DENND2C: variants seen among roughly 807,000 people sequenced by gnomAD.
DENND2C encodes the protein DENN domain containing 2C.
In DENND2C, 72 loss-of-function variants were observed where a neutral mutation model predicts 112.4. That is an observed-to-expected ratio of 0.64 (90% CI 0.53 to 0.78). The LOEUF (loss-of-function observed/expected upper bound fraction) is 0.78, where lower values mean the gene tolerates loss of function less well. Ranked by LOEUF, DENND2C falls within the 30% of genes least tolerant of loss-of-function variation. The pLI is 0.00. For missense variants in DENND2C, 992 were observed against 1,113.8 expected (o/e 0.89, Z 1.56); for synonymous variants, 329 against 381.6 (o/e 0.86, Z 1.61).
Position 114,623,660 on chromosome 1 carries a change from T to C in DENND2C, c.807-17A>G, listed in dbSNP as rs752830798. On this transcript the variant is annotated splice_polypyrimidine_tract_variant and intron_variant, in intron 4 of 20. Coordinates refer to ENST00000393274, the MANE Select transcript of DENND2C (RefSeq NM_001256404.2). ...AAGGATTTCCTTAAAAAAGGAGATA[T>C]ATTTTAAAGTTATATCTTTCAAAAC... 5.8e-6 allele frequency: 9 copies of C among 1,553,348 alleles called. No homozygotes were observed. In the South Asian group the frequency reaches 7.4e-5, roughly 13 times the overall value.
chr1:114,602,555 T>G (rs1009798240), intron 11 of DENND2C, among the ~76,000 whole-genome samples: 1 of 152,080 alleles, frequency 6.6e-6, no homozygotes, highest in Non-Finnish European at 1.5e-5. Flanking sequence ...ATCGGGTTAT[T>G]TTCATTTAAA....
intron 3 of DENND2C, among the ~76,000 whole-genome samples, chr1:114,640,814 C>T (rs1656816329): frequency 6.6e-6 from 1 of 152,152 alleles, no homozygotes; most frequent in Non-Finnish European, 1.5e-5. Flanking sequence ...CAATTTAACA[C>T]AAAACACAAT....
In DENND2C at chr1:114,625,118, A is replaced by C. The variant is rs113878113; in HGVS notation, c.806+61T>G. On this transcript the variant is annotated intron_variant, in intron 4 of 20. Transcript: ENST00000393274. ...GGAAACTGGTTTGAAAAGGAAAAAG[A>C]AGCTCAATAATCCTGTAAGGAAAAT... is the stretch of plus-strand genomic sequence containing the variant. The C allele has an allele frequency of 2.4e-3, 3,599 of 1,469,558 alleles. 71 individuals carry two copies. In the African/African-American group the frequency reaches 0.043, roughly 18 times the overall value. The allele number at this position is 1,469,558 out of a possible 1,614,324, so 91.0% of individuals were successfully genotyped here.
chr1:114,593,927 G>A (rs1468100265), intron 18 of DENND2C, among the ~76,000 whole-genome samples: 2 of 152,212 alleles, frequency 1.3e-5, no homozygotes, highest in African/African-American at 2.4e-5. Context: ...CAAGTGCTTA[G>A]CATATGCCTG....
At chr1:114,619,476 C>T (rs530789494) in intron 7 of DENND2C, among the ~76,000 whole-genome samples, 6 of 152,214 alleles carry the variant, frequency 3.9e-5, no homozygotes, top group African/African-American at 9.6e-5. Context: ...TCCTGACAAT[C>T]GACAGGCAAT....
rs777100822 is a variant in DENND2C at position 114,625,208 on chromosome 1, A to G, written c.777T>C (p.Tyr259=). ...ASSQEPEPKK[Y]GGKIRGRSKR... ...TAGATCTTCCTCTGATTTTTCCACCATATTTCTTTGGTTCAGGTTCCTGAG... is the reference window on the plus strand; with the variant it reads ...TAGATCTTCCTCTGATTTTTCCACCGTATTTCTTTGGTTCAGGTTCCTGAG... Residue 259 remains tyrosine, a synonymous_variant, in exon 4 of 21, where the codon TAT becomes TAC. Coordinates refer to ENST00000393274, the MANE Select transcript of DENND2C (RefSeq NM_001256404.2). 4 of 1,609,710 alleles carry G rather than the reference A, an allele frequency of 2.5e-6. No homozygotes were observed. The highest frequency in any genetic ancestry group is 2.2e-5 in the East Asian group (1 of 44,836).
intron 18 of DENND2C, among the ~76,000 whole-genome samples, chr1:114,592,487 G>A (rs1354857189): frequency 6.6e-6 from 1 of 152,132 alleles, no homozygotes; most frequent in Non-Finnish European, 1.5e-5. Flanking sequence ...AGAGGCTGAG[G>A]TGGGTGAATT....
intron 15 of DENND2C, 80 bp downstream of exon 15, chr1:114,600,119 GTAAAA>G: frequency 1.4e-6 from 2 of 1,460,688 alleles, no homozygotes; most frequent in Non-Finnish European, 1.8e-6. Flanking sequence ...AAGTATAATA[GTAAAA>G]TAAAAAAAAA....
intron 18 of DENND2C, among the ~76,000 whole-genome samples, chr1:114,589,093 G>C (rs1655117768): frequency 1.3e-5 from 2 of 152,148 alleles, no homozygotes; most frequent in South Asian, 4.1e-4. Context: ...GAAGATGCTG[G>C]ACTCACAAGT....
intron 3 of DENND2C, among the ~76,000 whole-genome samples, chr1:114,626,732 G>C (rs1026040752): frequency 1.3e-4 from 19 of 151,902 alleles, no homozygotes; most frequent in African/African-American, 4.6e-4. Context: ...GGCTGGTCTT[G>C]AACTTCCTGA....
At chr1:114,605,604 C>A (rs891926289) in intron 10 of DENND2C, among the ~76,000 whole-genome samples, 1 of 152,148 alleles carries the variant, frequency 6.6e-6, no homozygotes, top group Admixed American at 6.6e-5. Flanking sequence ...CCAGCCTGGG[C>A]AACATGGTGA....
intron 5 of DENND2C, among the ~76,000 whole-genome samples, 176 bp from the exon 6 acceptor site, chr1:114,623,275 A>C (rs1656216885): frequency 6.6e-6 from 1 of 152,220 alleles, no homozygotes; most frequent in African/African-American, 2.4e-5. Flanking sequence ...CAGAGCTAAA[A>C]GAATTCTCAA....
Position 114,601,502 on chromosome 1 carries a change from A to T in DENND2C, c.1815+6T>A. 7 of 1,610,720 alleles carry T rather than the reference A, an allele frequency of 4.3e-6. No homozygotes were observed. Among genetic ancestry groups the T allele is most frequent in the Non-Finnish European group, 5.9e-6 (7 of 1,178,290 alleles). On this transcript the variant is annotated splice_donor_region_variant and intron_variant, in intron 13 of 20. Transcript: ENST00000393274. ...CCATTTTTCATACAGCTCATTCTCCACTCACCTTTGAAAAAAGATTGAAGC... is the reference window on the plus strand; with the variant it reads ...CCATTTTTCATACAGCTCATTCTCCTCTCACCTTTGAAAAAAGATTGAAGC...
At chr1:114,604,564 T>C (rs887813078) in intron 11 of DENND2C, among the ~76,000 whole-genome samples, 1 of 152,206 alleles carries the variant, frequency 6.6e-6, no homozygotes, top group African/African-American at 2.4e-5. Flanking sequence ...GACACTGCTC[T>C]GTTTTATCTC....
chr1:114,652,661 CTTTTTTTTTTT>C (rs55647145), intron 2 of DENND2C, among the ~76,000 whole-genome samples: 65 of 109,818 alleles, frequency 5.9e-4, no homozygotes, highest in Admixed American at 7.5e-4. Flanking sequence ...CTTACATTTA[CTTTTTTTTTTT>C]TTTTTTTTTT....
In DENND2C at chr1:114,648,172, A is replaced by G. The variant is rs373323516; in HGVS notation, c.-316-2613T>C. The stretch of plus-strand genomic sequence containing the variant: ...ATTACCTGCAATAGTAGAAAGTTTT[A>G]TTATTTTGTGAATGGGGAAGCTGAA... On this transcript the variant is annotated intron_variant, in intron 2 of 20. Transcript: ENST00000393274. Among the ~76,000 whole-genome samples the G allele has an allele frequency of 1.3e-3, 194 of 152,346 alleles. 1 individual carries two copies. The highest frequency in any genetic ancestry group is 4.3e-3 in the African/African-American group (179 of 41,584).
At chr1:114,667,653 CTCTT>C (rs1398869261) in intron 1 of DENND2C, among the ~76,000 whole-genome samples, 3 of 151,964 alleles carry the variant, frequency 2.0e-5, no homozygotes, top group Non-Finnish European at 4.4e-5. Context: ...TTATTTTTTC[CTCTT>C]TCTTTCCTTC....
intron 8 of DENND2C, among the ~76,000 whole-genome samples, chr1:114,615,313 T>TA (rs958574651): frequency 6.6e-6 from 1 of 152,130 alleles, no homozygotes; most frequent in Non-Finnish European, 1.5e-5. Context: ...TTGTTGAAGA[T>TA]AAAAAATACA....
intron 1 of DENND2C, among the ~76,000 whole-genome samples, chr1:114,665,191 C>A (rs1657612294): frequency 6.6e-6 from 1 of 151,418 alleles, no homozygotes; most frequent in South Asian, 2.1e-4. Flanking sequence ...ATCCCTTGAG[C>A]CCAAGAGGTC....
Sources: gnomAD v4.1 joint callset for allele counts (sites outside exome capture counted in the v4.1 genomes callset) on GRCh38, gnomAD v4.1.1 for gene constraint, MANE v1.5 for transcripts, NCBI Gene and HGNC (gene_info 2026-07-23, HGNC 2026-07-21) for gene names.